Variants in ZNF654 observed in about 807,000 individuals in gnomAD.
ZNF654 encodes melanoma-associated antigen.
Under a neutral mutation model 95.3 loss-of-function variants are expected in ZNF654, and 19 were observed. That is an observed-to-expected ratio of 0.20 (90% CI 0.14 to 0.29). The LOEUF (loss-of-function observed/expected upper bound fraction) is 0.29. ZNF654 is among the 10% of genes least tolerant of loss of function. The pLI is 1.00. For missense variants in ZNF654, 1,046 were observed against 1,341.0 expected (o/e 0.78, Z 3.44); for synonymous variants, 413 against 457.9 (o/e 0.90, Z 1.25).
At chr3:88,080,585 C>T (rs1708027075) in intron 1 of ZNF654, among the ~76,000 whole-genome samples, 1 of 152,066 alleles carries the variant, frequency 6.6e-6, no homozygotes, top group Non-Finnish European at 1.5e-5. Flanking sequence ...GGAATTCAAA[C>T]CTAGGTCTGT....
At chr3:88,080,029 CT>C (rs1018225921) in intron 1 of ZNF654, among the ~76,000 whole-genome samples, 11 of 150,912 alleles carry the variant, frequency 7.3e-5, no homozygotes, top group African/African-American at 1.2e-4. Context: ...ACAAGTGACT[CT>C]TTTTTTTTCC....
chr3:88,128,932 T>C lies in ZNF654; in HGVS notation c.674T>C (p.Ile225Thr). 6.5e-7 allele frequency: 1 copy of C among 1,535,478 alleles called. No homozygotes were observed. The highest frequency in any genetic ancestry group is 8.7e-7 in the Non-Finnish European group (1 of 1,146,552). ...AAATCTTGTATAAATCACCCAGAAATCAGTAAAGACTTATACTTCCATCAA... is the reference window on the plus strand; with the variant it reads ...AAATCTTGTATAAATCACCCAGAAACCAGTAAAGACTTATACTTCCATCAA... ...LIKSCINHPE[I>T]SKDLYFHQAL... The change falls in exon 5 of 9, where the codon ATC (isoleucine) becomes ACC (threonine). Residue 225 changes from isoleucine (I) to threonine (T), a missense_variant. Around this residue, in one of 9 missense-constraint regions of ZNF654, gnomAD observed 121 missense variants for 141.7 expected, o/e 0.85. Transcript: ENST00000636215.
chr3:88,112,116 TGTA>T (rs1705128218), intron 2 of ZNF654, among the ~76,000 whole-genome samples: 2 of 151,892 alleles, frequency 1.3e-5, no homozygotes, highest in South Asian at 2.1e-4. Flanking sequence ...TTTTAAAATT[TGTA>T]GTAGTCAAAT....
chr3:88,083,958 TATATATA>T (rs1336951828), intron 1 of ZNF654, among the ~76,000 whole-genome samples: 4 of 40,630 alleles, frequency 9.8e-5, no homozygotes, highest in Non-Finnish European at 2.6e-4. Flanking sequence ...TATATATATA[TATATATA>T]TAGAAAATAT....
intron 7 of ZNF654, among the ~76,000 whole-genome samples, chr3:88,137,685 A>G (rs1706881020): frequency 6.6e-6 from 1 of 152,322 alleles, no homozygotes; most frequent in East Asian, 1.9e-4. Flanking sequence ...TTCAGATTAG[A>G]ACTGATTCTC....
Position 88,135,286 on chromosome 3 carries a change from G to T in ZNF654, c.1035+84G>T, listed in dbSNP as rs182426972. 3.2e-4 allele frequency: 370 copies of T among 1,172,320 alleles called. 2 individuals carry two copies. In the East Asian group the frequency reaches 0.011, roughly 34 times the overall value. 72.6% of individuals were successfully genotyped at this position (1,172,320 alleles called of 1,614,324 possible). ...GAATCTCTTTTGATAAAATTTATTT[G>T]ATTTTAAAACTGAAGGAAAGGAGGA... is the stretch of plus-strand genomic sequence containing the variant. On this transcript the variant is annotated intron_variant, in intron 7 of 8. Transcript: ENST00000636215.
Position 88,086,210 on chromosome 3 carries a change from T to C in ZNF654, c.187-47T>C, listed in dbSNP as rs1308357305. On this transcript the variant is annotated intron_variant, in intron 1 of 8. Coordinates refer to ENST00000636215, the MANE Select transcript of ZNF654 (RefSeq NM_001350134.2). ...TTTATGCAAATTTTTAAACTCGAGA[T>C]GTTGAGAACTTTTTCTATAGTAATG... The C allele has an allele frequency of 2.7e-6, 4 of 1,484,344 alleles. No homozygotes were observed. The African/African-American group carries it at 5.6e-5, about 21-fold the overall frequency. The allele number at this position is 1,484,344 out of a possible 1,614,324, so 91.9% of individuals were successfully genotyped here.
chr3:88,099,498 A>G (rs1244028417), intron 2 of ZNF654, among the ~76,000 whole-genome samples: 3 of 152,208 alleles, frequency 2.0e-5, no homozygotes, highest in Admixed American at 2.0e-4. Flanking sequence ...TACGGAACCA[A>G]AAAAGAGCCC....
intron 1 of ZNF654, among the ~76,000 whole-genome samples, chr3:88,060,363 T>C (rs1000862349): frequency 1.3e-5 from 2 of 152,192 alleles, no homozygotes; most frequent in Admixed American, 1.3e-4. Context: ...ATATAACAAA[T>C]ATACCCCTAC....
Position 88,142,697 on chromosome 3 carries a change from T to C in ZNF654, c.*1045T>C, listed in dbSNP as rs1576362741. On this transcript the variant is annotated 3_prime_UTR_variant, in exon 9 of 9. Transcript: ENST00000636215. ...CATTTTATTCTATTAGGAGAGGTAA[T>C]TCCAAAATAAGCCATACTATTCCTG... 1 of 152,312 alleles carries C rather than the reference T, an allele frequency of 6.6e-6. No homozygotes were observed. The highest frequency in any genetic ancestry group is 2.4e-5 in the African/African-American group (1 of 41,418). 9.4% of individuals were successfully genotyped at this position (152,312 alleles called of 1,614,324 possible). A position where few individuals can be genotyped will look rare whatever the true frequency, so the allele number is the denominator to read the frequency against.
At chr3:88,135,392 T>G in intron 7 of ZNF654, 190 bp downstream of exon 7, 1 of 387,984 alleles carries the variant, frequency 2.6e-6, no homozygotes, top group African/African-American at 2.1e-5. Flanking sequence ...GATTTATTGT[T>G]ACTTAAAATT....
intron 3 of ZNF654, among the ~76,000 whole-genome samples, chr3:88,120,261 A>G (rs1705687676): frequency 6.6e-6 from 1 of 152,214 alleles, no homozygotes; most frequent in Non-Finnish European, 1.5e-5. Context: ...CAGCATTCTA[A>G]TTCTTTCTAT....
intron 1 of ZNF654, among the ~76,000 whole-genome samples, chr3:88,081,024 T>G (rs1364495345): frequency 6.6e-6 from 1 of 152,218 alleles, no homozygotes; most frequent in Non-Finnish European, 1.5e-5. Context: ...TCTTCCAGCC[T>G]GTAACAGTTC....
At chr3:88,133,795 A>G (rs1198340008) in intron 6 of ZNF654, among the ~76,000 whole-genome samples, 2 of 152,168 alleles carry the variant, frequency 1.3e-5, no homozygotes, top group Non-Finnish European at 2.9e-5. Context: ...CATGTGTAAA[A>G]TTAAAGGGCC....
chr3:88,134,388 A>G (rs1467432670), intron 6 of ZNF654, among the ~76,000 whole-genome samples: 1 of 152,076 alleles, frequency 6.6e-6, no homozygotes, highest in Non-Finnish European at 1.5e-5. Flanking sequence ...GACATGTTTT[A>G]AAGAATTCTA....
At chr3:88,110,436 T>C (rs1705018904) in intron 2 of ZNF654, among the ~76,000 whole-genome samples, 1 of 152,126 alleles carries the variant, frequency 6.6e-6, no homozygotes, top group South Asian at 2.1e-4. Context: ...ACCTTATATA[T>C]TGGCACTGAT....
At chr3:88,069,757 T>G (rs1341159079) in intron 1 of ZNF654, among the ~76,000 whole-genome samples, 2 of 152,194 alleles carry the variant, frequency 1.3e-5, no homozygotes, top group Non-Finnish European at 2.9e-5. Flanking sequence ...ATTACACAAA[T>G]TATAGCAGTT....
chr3:88,130,160 T>G (rs1347585520), intron 6 of ZNF654, among the ~76,000 whole-genome samples: 1 of 152,166 alleles, frequency 6.6e-6, no homozygotes, highest in East Asian at 1.9e-4. Flanking sequence ...ATCATGTAAT[T>G]TAAAATGTAA....
At chr3:88,115,004 C>G (rs1469453501) in intron 3 of ZNF654, among the ~76,000 whole-genome samples, 1 of 152,196 alleles carries the variant, frequency 6.6e-6, no homozygotes, top group Non-Finnish European at 1.5e-5. Context: ...CGCAGTGGTT[C>G]TTCTCCATAC....
Sources: allele counts gnomAD v4.1 joint callset (sites outside exome capture counted in the v4.1 genomes callset), GRCh38; gene constraint gnomAD v4.1.1; regional missense constraint gnomAD v4.1.1; transcripts MANE v1.5; gene names NCBI Gene and HGNC (gene_info 2026-07-23, HGNC 2026-07-21).